The following PAPOLG variants were observed in gnomAD, a reference collection of about 807,000 sequenced individuals.
PAPOLG encodes the protein poly(A) polymerase gamma.
PAPOLG carries 40 observed loss-of-function variants against 99.0 expected under a neutral mutation model. The observed-to-expected ratio is 0.40, with a 90% CI of 0.31 to 0.53. The LOEUF (loss-of-function observed/expected upper bound fraction) is 0.53. Ranked by LOEUF, PAPOLG falls within the 20% of genes least tolerant of loss-of-function variation. The probability of loss-of-function intolerance (pLI) is 0.41; values close to 1 mark genes in which losing one functional copy is unlikely to be tolerated. For missense variants in PAPOLG, 675 were observed against 884.1 expected, an observed-to-expected ratio of 0.76 and a Z score of 3.00; for synonymous variants, 310 against 299.3, an observed-to-expected ratio of 1.04 and a Z score of -0.37.
At chr2:60,771,959 T>A (rs191326070) in intron 7 of PAPOLG, among the ~76,000 whole-genome samples, 128 of 152,234 alleles carry the variant, frequency 8.4e-4, no homozygotes, top group African/African-American at 2.9e-3. Flanking sequence ...ACTGAGAAAT[T>A]TAAAAAGTAC....
intron 12 of PAPOLG, 123 bp from the exon 13 acceptor site, chr2:60,783,033 A>G: frequency 1.1e-6 from 1 of 950,374 alleles, no homozygotes; most frequent in Non-Finnish European, 1.5e-6. Flanking sequence ...TAATTTTCAT[A>G]AACTGTGTGC....
At chr2:60,777,618 C>G (rs1671062853) in intron 8 of PAPOLG, among the ~76,000 whole-genome samples, 2 of 152,182 alleles carry the variant, frequency 1.3e-5, no homozygotes, top group African/African-American at 4.8e-5. Context: ...TTCGGACTAT[C>G]ATAACTTTCA....
chr2:60,787,870 G>A lies in PAPOLG; in HGVS notation c.1396+250G>A, dbSNP rs1451150605. On this transcript the variant is annotated intron_variant, in intron 15 of 21. Coordinates refer to ENST00000238714, the MANE Select transcript of PAPOLG (RefSeq NM_022894.4). ...AATTCGAGACCAGCCTGGCTAATACGGTGAAACCCCGTCTCTACTAAAAAT... is the reference window on the plus strand; with the variant it reads ...AATTCGAGACCAGCCTGGCTAATACAGTGAAACCCCGTCTCTACTAAAAAT... Among the ~76,000 whole-genome samples the A allele has an allele frequency of 2.6e-5, 4 of 152,074 alleles. No homozygotes were observed. The East Asian group carries it at 5.8e-4, about 22-fold the overall frequency.
At chr2:60,763,958 A>G (rs1670597707) in intron 3 of PAPOLG, among the ~76,000 whole-genome samples, 1 of 152,048 alleles carries the variant, frequency 6.6e-6, no homozygotes, top group South Asian at 2.1e-4. Context: ...GCACGCCACC[A>G]TGCCCAGCTA....
In PAPOLG at chr2:60,793,838, G is replaced by A. The variant is rs1449177193; in HGVS notation, c.1768+123G>A. On this transcript the variant is annotated intron_variant, in intron 18 of 21. Transcript: ENST00000238714. Reference sequence around the variant, plus strand: ...AGGTGGGAGGGTCACCTGAGCCTGGGAAGTCAAGGCTGCAGTGAGCTGTGA... The same window carrying A: ...AGGTGGGAGGGTCACCTGAGCCTGGAAAGTCAAGGCTGCAGTGAGCTGTGA... 8 of 1,421,220 alleles carry A rather than the reference G, an allele frequency of 5.6e-6. No individual in the cohort carries two copies. In the Admixed American group the frequency reaches 9.0e-5, roughly 16 times the overall value. The allele number at this position is 1,421,220 out of a possible 1,614,324, so 88.0% of individuals were successfully genotyped here.
chr2:60,761,996 A>G (rs1670534589), intron 3 of PAPOLG, among the ~76,000 whole-genome samples, 189 bp downstream of exon 3: 2 of 152,200 alleles, frequency 1.3e-5, no homozygotes, highest in African/African-American at 4.8e-5. Flanking sequence ...TAGCCAATAT[A>G]TAGCTGTGAG....
chr2:60,773,532 A>G (rs977638167), intron 7 of PAPOLG, among the ~76,000 whole-genome samples: 1 of 152,178 alleles, frequency 6.6e-6, no homozygotes, highest in African/African-American at 2.4e-5. Context: ...AATCATATCA[A>G]ACTTGTTGTA....
In PAPOLG at chr2:60,778,233, A is replaced by G. The variant is rs183735433; in HGVS notation, c.695-1404A>G. Among the ~76,000 whole-genome samples, 18 of 152,284 alleles carry G rather than the reference A, an allele frequency of 1.2e-4. No homozygotes were observed. In the South Asian group the frequency reaches 1.9e-3, roughly 16 times the overall value. On this transcript the variant is annotated intron_variant, in intron 8 of 21. Transcript: ENST00000238714. ...GCAATTATAGCTCACTGCAGCCTCAACCTTCTGGGCCCAAGCGATCCTTCC... is the reference window on the plus strand; with the variant it reads ...GCAATTATAGCTCACTGCAGCCTCAGCCTTCTGGGCCCAAGCGATCCTTCC...
At chr2:60,782,169 T>TA (rs1461630761) in intron 11 of PAPOLG, among the ~76,000 whole-genome samples, 164 bp downstream of exon 11, 1 of 152,196 alleles carries the variant, frequency 6.6e-6, no homozygotes, top group African/African-American at 2.4e-5. Flanking sequence ...TTTTCAAAAG[T>TA]ATATGATAAT....
At chr2:60,774,033 A>G (rs184840519) in intron 7 of PAPOLG, among the ~76,000 whole-genome samples, 2 of 152,254 alleles carry the variant, frequency 1.3e-5, no homozygotes, top group East Asian at 3.9e-4. Flanking sequence ...TTTAACTGCA[A>G]GTGTGTGGTG....
At chr2:60,778,636 T>A (rs765417061) in intron 8 of PAPOLG, among the ~76,000 whole-genome samples, 15 of 152,328 alleles carry the variant, frequency 9.8e-5, no homozygotes, top group Admixed American at 4.6e-4. Flanking sequence ...AATAAAGCTG[T>A]TACAAGTTAA....
rs1267776380 is a variant in PAPOLG at position 60,756,368 on chromosome 2, G to T, written c.-111G>T. The T allele has an allele frequency of 2.9e-6, 4 of 1,397,236 alleles. No homozygotes were observed. The South Asian group carries it at 3.5e-5, about 12-fold the overall frequency. The allele number at this position is 1,397,236 out of a possible 1,614,324, so 86.6% of individuals were successfully genotyped here. ...AGCCATAGTAAGTGGGAAAGTGAGC[G>T]AGCAAGCGAGCTACTAGCGACCGGA... On this transcript the variant is annotated 5_prime_UTR_variant, in exon 1 of 22. Transcript: ENST00000238714.
At chr2:60,770,577 A>T (rs913516281) in intron 6 of PAPOLG, 66 bp downstream of exon 6, 3 of 1,063,996 alleles carry the variant, frequency 2.8e-6, no homozygotes, top group Non-Finnish European at 4.1e-6. Flanking sequence ...TGTTTTCTGA[A>T]ATCAGGCTTA....
chr2:60,792,339 T>TGA (rs529245989), intron 17 of PAPOLG, 50 bp downstream of exon 17: 2 of 1,499,698 alleles, frequency 1.3e-6, no homozygotes, highest in Non-Finnish European at 1.8e-6. Flanking sequence ...TCAGTTTATT[T>TGA]GAGGATAATG....
chr2:60,765,235 CT>C (rs557009182), intron 3 of PAPOLG, among the ~76,000 whole-genome samples: 8,621 of 119,842 alleles, frequency 0.072, 271 homozygotes, highest in East Asian at 0.099. Context: ...TGCCTAGCTA[CT>C]TTTTTTTTTT....
intron 13 of PAPOLG, 88 bp from the exon 14 acceptor site, chr2:60,786,859 C>T (rs1317422568): frequency 2.7e-6 from 4 of 1,472,458 alleles, no homozygotes; most frequent in African/African-American, 1.4e-5. Flanking sequence ...TGTAAAGCTT[C>T]GTAGTTAATA....
Position 60,761,780 on chromosome 2 carries a change from A to G in PAPOLG, c.219A>G (p.Glu73=), listed in dbSNP as rs145018792. The G allele has an allele frequency of 6.2e-7, 1 of 1,604,276 alleles. No homozygotes were observed. Among genetic ancestry groups the G allele is most frequent in the Non-Finnish European group, 8.5e-7 (1 of 1,171,312 alleles). ...VLGKLNNLVK[E]WISDVSESKN... Reference sequence around the variant, plus strand: ...GTAAATTGAACAATTTAGTAAAAGAATGGATTTCTGATGTCAGCGAGAGTA... The same window carrying G: ...GTAAATTGAACAATTTAGTAAAAGAGTGGATTTCTGATGTCAGCGAGAGTA... Residue 73 remains glutamate, a synonymous_variant, in exon 3 of 22, where the codon GAA becomes GAG. Coordinates refer to ENST00000238714, the MANE Select transcript of PAPOLG (RefSeq NM_022894.4).
At chr2:60,782,948 A>G (rs1183193505) in intron 12 of PAPOLG, among the ~76,000 whole-genome samples, 178 bp downstream of exon 12, 1 of 152,090 alleles carries the variant, frequency 6.6e-6, no homozygotes, top group Non-Finnish European at 1.5e-5. Context: ...CTAATCCAGT[A>G]TTAGTGACTT....
chr2:60,794,717 G>T lies in PAPOLG; in HGVS notation c.1997G>T (p.Arg666Leu). 1.2e-6 allele frequency: 2 copies of T among 1,610,304 alleles called. No individual in the cohort carries two copies. Among genetic ancestry groups the T allele is most frequent in the South Asian group, 1.1e-5 (1 of 90,914 alleles). The change falls in exon 20 of 22, where the codon CGA becomes CTA. Residue 666 changes from arginine (R) to leucine (L), a missense_variant. Physicochemically the swap from Arg to Leu is moderately radical, Grantham distance 102 (BLOSUM62 -2). This residue lies in a region of PAPOLG where 413 missense variants were observed against 460.5 expected (regional missense o/e 0.90). Transcript: ENST00000238714. ...TCAATGTTTATATTTTAGTTTATTC[G>T]ACTTGAATCAACATTTAAGGACCCC... is the stretch of plus-strand genomic sequence containing the variant. ...KRLKDVEKFI[R>L]LESTFKDPRT...
Sources: allele counts gnomAD v4.1 joint callset (sites outside exome capture counted in the v4.1 genomes callset), GRCh38; gene constraint gnomAD v4.1.1; regional missense constraint gnomAD v4.1.1; transcripts MANE v1.5; gene names NCBI Gene and HGNC (gene_info 2026-07-23, HGNC 2026-07-21).